Variants in LANCL2 observed in about 807,000 individuals in gnomAD.
LANCL2 encodes LanC like glutathione S-transferase 2, also known as lanC-like protein 2.
In LANCL2, 33 loss-of-function variants were observed where a neutral mutation model predicts 56.9. That is an observed-to-expected ratio of 0.58 (90% CI 0.44 to 0.78). The LOEUF (loss-of-function observed/expected upper bound fraction) is 0.78. Ranked by LOEUF, LANCL2 falls within the 30% of genes least tolerant of loss-of-function variation. The pLI is 0.00. For synonymous variants in LANCL2, 233 were observed against 228.2 expected, an observed-to-expected ratio of 1.02 and a Z score of -0.19; for missense variants, 562 against 580.2, an observed-to-expected ratio of 0.97 and a Z score of 0.32.
At chr7:55,402,697 G>C (rs1485689160) in intron 5 of LANCL2, among the ~76,000 whole-genome samples, 1 of 119,070 alleles carries the variant, frequency 8.4e-6, no homozygotes, top group African/African-American at 3.2e-5. Context: ...CCGGGCGGGG[G>C]GCTGACCCCC....
intron 1 of LANCL2, among the ~76,000 whole-genome samples, chr7:55,388,135 A>G (rs1790146243): frequency 6.6e-6 from 1 of 152,228 alleles, no homozygotes; most frequent in Non-Finnish European, 1.5e-5. Context: ...AAAACGGGCC[A>G]TAATATGTAA....
At chr7:55,369,573 G>A (rs542128630) in intron 1 of LANCL2, among the ~76,000 whole-genome samples, 2 of 152,278 alleles carry the variant, frequency 1.3e-5, no homozygotes, top group African/African-American at 4.8e-5. Context: ...AGCCTGTGAC[G>A]CAGACACTCT....
intron 6 of LANCL2, among the ~76,000 whole-genome samples, chr7:55,422,079 T>C (rs1377762171): frequency 1.3e-5 from 2 of 152,152 alleles, no homozygotes; most frequent in African/African-American, 4.8e-5. Flanking sequence ...TTTGAATTGA[T>C]ACAAGCAAAA....
Position 55,387,093 on chromosome 7 carries a change from G to A in LANCL2, c.205-4700G>A, listed in dbSNP as rs868240749. Among the ~76,000 whole-genome samples the A allele has an allele frequency of 4.1e-4, 62 of 152,156 alleles. 1 individual carries two copies. The highest frequency in any genetic ancestry group is 6.3e-3 in the Middle Eastern group (2 of 316). On this transcript the variant is annotated intron_variant, in intron 1 of 8. Coordinates refer to ENST00000254770, the MANE Select transcript of LANCL2 (RefSeq NM_018697.4). ...AACGCAAAGAAAAACCTTTTGCAGTGTGACTTTTTTTGGAGGGGTGTCCAT... is the reference window on the plus strand; with the variant it reads ...AACGCAAAGAAAAACCTTTTGCAGTATGACTTTTTTTGGAGGGGTGTCCAT...
rs117996937 is a variant in LANCL2 at position 55,425,974 on chromosome 7, A to G, written c.1185+544A>G. On this transcript the variant is annotated intron_variant, in intron 7 of 8. Coordinates refer to ENST00000254770, the MANE Select transcript of LANCL2 (RefSeq NM_018697.4). ...GCCTTACCCTGCCCTCTAGCCCGCC[A>G]TAATACAGCCATGTTGCCCTCTCTA... Among the ~76,000 whole-genome samples, 953 of 152,304 alleles carry G rather than the reference A, an allele frequency of 6.3e-3. 8 individuals carry two copies. Among genetic ancestry groups the G allele is most frequent in the Middle Eastern group, 0.02 (6 of 294 alleles).
intron 1 of LANCL2, among the ~76,000 whole-genome samples, chr7:55,385,518 G>A (rs906098828): frequency 1.3e-5 from 2 of 152,152 alleles, no homozygotes; most frequent in Non-Finnish European, 2.9e-5. Context: ...GGTAGGATCC[G>A]TGATGCCCCA....
At chr7:55,421,598 C>T (rs760544367) in intron 6 of LANCL2, among the ~76,000 whole-genome samples, 27 of 152,164 alleles carry the variant, frequency 1.8e-4, no homozygotes, top group Admixed American at 4.6e-4. Context: ...CAGCCTCGGC[C>T]TCCCTAAGTG....
chr7:55,415,977 A>G (rs1261203911), intron 6 of LANCL2, among the ~76,000 whole-genome samples: 1 of 152,084 alleles, frequency 6.6e-6, no homozygotes, highest in Non-Finnish European at 1.5e-5. Flanking sequence ...TGCTATGAAC[A>G]TTCTTGCACA....
At chr7:55,417,231 G>A (rs575831310) in intron 6 of LANCL2, among the ~76,000 whole-genome samples, 54 of 151,904 alleles carry the variant, frequency 3.6e-4, no homozygotes, top group African/African-American at 1.2e-3. Flanking sequence ...TGCCCGCCTC[G>A]GCCTCCCAAA....
rs757195215 is a variant in LANCL2, at chr7:55,366,098, G to A, written c.73G>A (p.Val25Ile). ...GGCAGAAATGGAGGAACGGGCGTTC[G>A]TCAACCCCTTCCCGGACTACGAGGC... ...GEAEMEERAF[V>I]NPFPDYEAAA... The change falls in exon 1 of 9, where the codon GTC becomes ATC. Residue 25 changes from valine (V) to isoleucine (I), a missense_variant. Val to Ile is a conservative substitution (Grantham distance 29, BLOSUM62 3). Transcript: ENST00000254770. 9.1e-6 allele frequency: 14 copies of A among 1,539,160 alleles called. No individual in the cohort carries two copies. In the East Asian group the frequency reaches 2.5e-4, roughly 27 times the overall value.
intron 4 of LANCL2, 54 bp downstream of exon 4, chr7:55,400,158 T>C: frequency 4.3e-6 from 6 of 1,393,222 alleles, no homozygotes; most frequent in Non-Finnish European, 5.7e-6. Context: ...ACCTATTTGC[T>C]AGCATTGAGT....
chr7:55,367,257 G>C (rs1365704200), intron 1 of LANCL2, among the ~76,000 whole-genome samples: 1 of 152,164 alleles, frequency 6.6e-6, no homozygotes, highest in Non-Finnish European at 1.5e-5. Flanking sequence ...ACCTTTACCA[G>C]GTTTTCTTTT....
rs189028478 is a variant in LANCL2, at chr7:55,407,975, G to A, written c.826-3932G>A. Among the ~76,000 whole-genome samples the A allele has an allele frequency of 3.3e-4, 50 of 152,334 alleles. No individual in the cohort carries two copies. The East Asian group carries it at 8.7e-3, about 26-fold the overall frequency. ...AGCACAGACCAGTAGCCGATGAGCG[G>A]ACATGGCAGAAAAGCCCCAGCTTGA... On this transcript the variant is annotated intron_variant, in intron 5 of 8. Transcript: ENST00000254770.
At chr7:55,402,484 C>T (rs1326238510) in intron 5 of LANCL2, among the ~76,000 whole-genome samples, 20 of 125,136 alleles carry the variant, frequency 1.6e-4, no homozygotes, top group South Asian at 2.6e-4. Context: ...GGCTCCTCTC[C>T]TCCCAGTAGG....
chr7:55,409,267 A>G (rs1047508148), intron 5 of LANCL2, among the ~76,000 whole-genome samples: 1 of 148,878 alleles, frequency 6.7e-6, no homozygotes, highest in Non-Finnish European at 1.5e-5. Context: ...TTTTTTTTGT[A>G]TTTTTTAGTG....
intron 5 of LANCL2, among the ~76,000 whole-genome samples, chr7:55,405,581 C>G (rs573511320): frequency 6.6e-6 from 1 of 150,692 alleles, no homozygotes; most frequent in East Asian, 1.9e-4. Context: ...AACTCCATCT[C>G]CCGGGTTTAA....
chr7:55,382,832 A>G (rs1790084576), intron 1 of LANCL2, among the ~76,000 whole-genome samples: 1 of 152,232 alleles, frequency 6.6e-6, no homozygotes, highest in South Asian at 2.1e-4. Flanking sequence ...CTGTGGTTGC[A>G]TGACTCCTAC....
At chr7:55,392,337 T>TA (rs1327330229) in intron 2 of LANCL2, among the ~76,000 whole-genome samples, 1 of 151,060 alleles carries the variant, frequency 6.6e-6, no homozygotes, top group Non-Finnish European at 1.5e-5. Flanking sequence ...TTTTTTCTTT[T>TA]TTTTTTTTTG....
chr7:55,392,365 C>A (rs1208435489), intron 2 of LANCL2, among the ~76,000 whole-genome samples: 1 of 141,498 alleles, frequency 7.1e-6, no homozygotes, highest in African/African-American at 2.7e-5. Context: ...GTCTCTGTTG[C>A]CTGGGCTAGA....
Sources: gnomAD v4.1 joint callset for allele counts (sites outside exome capture counted in the v4.1 genomes callset) on GRCh38, gnomAD v4.1.1 for gene constraint, MANE v1.5 for transcripts, NCBI Gene and HGNC (gene_info 2026-07-23, HGNC 2026-07-21) for gene names.